PPIP5K1: variants seen among roughly 807,000 people sequenced by gnomAD.
PPIP5K1 encodes the protein diphosphoinositol pentakisphosphate kinase 1, also known as inositol hexakisphosphate and diphosphoinositol-pentakisphosphate kinase 1.
PPIP5K1 carries 6 observed loss-of-function variants against 27.7 expected under a neutral mutation model. That is an observed-to-expected ratio of 0.22 (90% CI 0.12 to 0.43). The LOEUF (loss-of-function observed/expected upper bound fraction) is 0.43. Ranked by LOEUF, PPIP5K1 falls within the 20% of genes least tolerant of loss-of-function variation. PPIP5K1 has a pLI of 1.00. For missense variants in PPIP5K1, 394 were observed against 635.4 expected (o/e 0.62, Z 4.08); for synonymous variants, 145 against 242.6 (o/e 0.60, Z 3.74).
At chr15:43,542,647 A>AGTGTGTGTGTGTGTGT (rs56361192) in intron 30 of PPIP5K1, among the ~76,000 whole-genome samples, 4 of 121,362 alleles carry the variant, frequency 3.3e-5, no homozygotes, top group Non-Finnish European at 6.9e-5. Flanking sequence ...ATATATATTC[A>AGTGTGTGTGTGTGTGT]GTGTGTGTGT....
rs1227098906 is a variant in PPIP5K1, at chr15:43,560,391, C to G, written c.3418+22G>C. The G allele has an allele frequency of 6.9e-6, 9 of 1,298,254 alleles. No homozygotes were observed. In the Admixed American group the frequency reaches 2.1e-4, roughly 30 times the overall value. 80.4% of individuals were successfully genotyped at this position (1,298,254 alleles called of 1,614,324 possible). A position where few individuals can be genotyped will look rare whatever the true frequency, so the allele number is the denominator to read the frequency against. Reference sequence around the variant, plus strand: ...GACCCAGCCAGGGTAGTGGCAGCAGCCAGTTTGGTGGCAGGGGGTACCGTA... The same window carrying G: ...GACCCAGCCAGGGTAGTGGCAGCAGGCAGTTTGGTGGCAGGGGGTACCGTA... On this transcript the variant is annotated intron_variant, in intron 29 of 31. Transcript: ENST00000420765.
intron 30 of PPIP5K1, among the ~76,000 whole-genome samples, chr15:43,543,623 C>A (rs1393578872): frequency 6.6e-6 from 1 of 151,978 alleles, no homozygotes; most frequent in Non-Finnish European, 1.5e-5. Flanking sequence ...ATGCATAGTA[C>A]TAGAAAAAGC....
chr15:43,555,506 G>A (rs2141006567), intron 30 of PPIP5K1, among the ~76,000 whole-genome samples: 1 of 151,736 alleles, frequency 6.6e-6, no homozygotes, highest in African/African-American at 2.4e-5. Context: ...GGCTGATCTT[G>A]AACTCTTGAA....
In PPIP5K1 at chr15:43,558,856, C is replaced by T. The variant is rs776805979; in HGVS notation, c.3495G>A (p.Val1165=). The T allele has an allele frequency of 6.2e-7, 1 of 1,614,160 alleles. No individual in the cohort carries two copies. Among genetic ancestry groups the T allele is most frequent in the East Asian group, 2.2e-5 (1 of 44,880 alleles). The part of the protein sequence containing the change: ...TLHNALSLRQ[V]SEFLSRVCQR... ...GGCAGACTCTACTCAAGAATTCACT[C>T]ACTTGACGTAGGGAAAGGGCATTAT... Residue 1165 remains valine, a synonymous_variant, in exon 30 of 32, where the codon GTG becomes GTA. Coordinates refer to ENST00000420765, the MANE Select transcript of PPIP5K1 (RefSeq NM_001394395.1).
chr15:43,558,354 G>A (rs544057957), intron 30 of PPIP5K1, among the ~76,000 whole-genome samples: 1 of 151,892 alleles, frequency 6.6e-6, no homozygotes, highest in South Asian at 2.1e-4. Context: ...CAGCCTCCTG[G>A]GTAGCTGGGA....
At chr15:43,578,535 CAAA>C (rs150737493) in intron 11 of PPIP5K1, among the ~76,000 whole-genome samples, 189 of 29,526 alleles carry the variant, frequency 6.4e-3, no homozygotes, top group South Asian at 0.022. Context: ...GATCCTGTCG[CAAA>C]AAAAAAAAAA....
intron 30 of PPIP5K1, among the ~76,000 whole-genome samples, chr15:43,558,331 G>A (rs921996154): frequency 2.0e-5 from 3 of 151,188 alleles, no homozygotes; most frequent in South Asian, 2.1e-4. Flanking sequence ...AGGTTCAAGC[G>A]ATTCTCCTGC....
At chr15:43,559,971 T>C (rs1001366743) in intron 29 of PPIP5K1, among the ~76,000 whole-genome samples, 1 of 151,864 alleles carries the variant, frequency 6.6e-6, no homozygotes, top group East Asian at 1.9e-4. Context: ...TTCGAAGCTC[T>C]GGACTTTGCC....
chr15:43,549,849 T>C (rs1041687494), intron 30 of PPIP5K1, among the ~76,000 whole-genome samples: 26 of 152,190 alleles, frequency 1.7e-4, no homozygotes, highest in Non-Finnish European at 2.9e-5. Context: ...TATATGCCTA[T>C]AGCCCCAGCT....
In PPIP5K1 at chr15:43,535,245, G is replaced by C; in HGVS notation, c.3902C>G (p.Pro1301Arg). 3 of 1,614,194 alleles carry C rather than the reference G, an allele frequency of 1.9e-6. No homozygotes were observed. The highest frequency in any genetic ancestry group is 1.7e-5 in the Admixed American group (1 of 60,034). The change falls in exon 32 of 32, where the codon CCT becomes CGT. Residue 1301 changes from proline to arginine, a missense_variant. Pro to Arg is a moderately radical substitution (Grantham distance 103). Around this residue, in one of 4 missense-constraint regions of PPIP5K1, gnomAD observed 379 missense variants for 423.9 expected, o/e 0.89. Transcript: ENST00000420765. ...FEPNQSPQVP[P>R]METSQPYEEV... ...CTCGTATGGCTGGCTGGTTTCCATAGGTGGCACCTGTGGGGACTGATTTGG... is the reference window on the plus strand; with the variant it reads ...CTCGTATGGCTGGCTGGTTTCCATACGTGGCACCTGTGGGGACTGATTTGG...
rs919407536 is a variant in PPIP5K1 at position 43,534,528 on chromosome 15, T to G, written c.*146A>C. ...AGTGTGATACCACTAATGAGAAAAT[T>G]AATCACATGTTGCTGGTGGAAGGGG... is the stretch of plus-strand genomic sequence containing the variant. On this transcript the variant is annotated 3_prime_UTR_variant, in exon 32 of 32. Transcript: ENST00000420765. 12 of 707,634 alleles carry G rather than the reference T, an allele frequency of 1.7e-5. No homozygotes were observed. The Admixed American group carries it at 3.0e-4, about 18-fold the overall frequency. 43.8% of individuals were successfully genotyped at this position (707,634 alleles called of 1,614,324 possible).
At chr15:43,559,880 G>A (rs1184854947) in intron 29 of PPIP5K1, among the ~76,000 whole-genome samples, 1 of 150,690 alleles carries the variant, frequency 6.6e-6, no homozygotes, top group African/African-American at 2.5e-5. Flanking sequence ...GGATACACGG[G>A]ACAACGAAGT....
intron 30 of PPIP5K1, among the ~76,000 whole-genome samples, chr15:43,551,415 G>A (rs1171883854): frequency 6.6e-6 from 1 of 150,802 alleles, no homozygotes; most frequent in Non-Finnish European, 1.5e-5. Flanking sequence ...CTACTTGGGA[G>A]GCTGAGGCAG....
At chr15:43,545,575 T>G (rs2081275961) in intron 30 of PPIP5K1, among the ~76,000 whole-genome samples, 1 of 151,134 alleles carries the variant, frequency 6.6e-6, no homozygotes, top group Non-Finnish European at 1.5e-5. Context: ...ACTCCTGGGC[T>G]CCAGTGATCC....
Position 43,548,098 on chromosome 15 carries a change from C to A in PPIP5K1, c.3557-8515G>T, listed in dbSNP as rs117528158. 7.2e-4 allele frequency among the ~76,000 whole-genome samples: 110 copies of A among 151,992 alleles called. 2 individuals are homozygous for A. In the East Asian group the frequency reaches 0.02, roughly 28 times the overall value. ...GGGCTACAGGCATGCATCACCACAC[C>A]CAGCTAATTTTTTTTTTCAAGATGG... is the stretch of plus-strand genomic sequence containing the variant. On this transcript the variant is annotated intron_variant, in intron 30 of 31. Transcript: ENST00000420765.
At chr15:43,538,594 T>C (rs2080227363) in intron 31 of PPIP5K1, among the ~76,000 whole-genome samples, 1 of 151,918 alleles carries the variant, frequency 6.6e-6, no homozygotes, top group Admixed American at 6.6e-5. Context: ...TGGCGCCATC[T>C]CAGCTCACTG....
intron 30 of PPIP5K1, among the ~76,000 whole-genome samples, chr15:43,549,177 G>A (rs563332460): frequency 1.3e-5 from 2 of 149,482 alleles, no homozygotes; most frequent in South Asian, 4.2e-4. Flanking sequence ...CTCCCAAAGT[G>A]CTGGAATCAC....
At chr15:43,548,161 C>T (rs936130788) in intron 30 of PPIP5K1, among the ~76,000 whole-genome samples, 5 of 151,524 alleles carry the variant, frequency 3.3e-5, no homozygotes, top group South Asian at 2.1e-4. Flanking sequence ...TGCACTGGCG[C>T]GATCTTGGCT....
chr15:43,544,497 T>C (rs1424911378), intron 30 of PPIP5K1, among the ~76,000 whole-genome samples: 3 of 152,232 alleles, frequency 2.0e-5, no homozygotes, highest in African/African-American at 7.2e-5. Flanking sequence ...AATAACTGTA[T>C]ATAAATGTTA....
Sources: allele counts gnomAD v4.1 joint callset (sites outside exome capture counted in the v4.1 genomes callset), GRCh38; gene constraint gnomAD v4.1.1; regional missense constraint gnomAD v4.1.1; transcripts MANE v1.5; gene names NCBI Gene and HGNC (gene_info 2026-07-23, HGNC 2026-07-21).